DENND2B: variants seen among roughly 807,000 people sequenced by gnomAD.
DENND2B encodes the protein DENN domain containing 2B, also known as DENN domain-containing protein 2B.
DENND2B carries 32 observed loss-of-function variants against 116.0 expected under a neutral mutation model. The observed-to-expected ratio is 0.28, with a 90% CI of 0.21 to 0.37. The LOEUF (loss-of-function observed/expected upper bound fraction) is 0.37, where lower values mean the gene tolerates loss of function less well. DENND2B is among the 10% of genes least tolerant of loss of function. The probability of loss-of-function intolerance (pLI) is 1.00; values close to 1 mark genes in which losing one functional copy is unlikely to be tolerated. For missense variants in DENND2B, 1,276 were observed against 1,477.7 expected (o/e 0.86, Z 2.24); for synonymous variants, 588 against 583.9 (o/e 1.01, Z -0.10).
intron 2 of DENND2B, among the ~76,000 whole-genome samples, chr11:8,863,621 A>G (rs906606436): frequency 2.0e-5 from 3 of 152,072 alleles, no homozygotes; most frequent in African/African-American, 4.8e-5. Flanking sequence ...CAAATGGGGG[A>G]AAAATAGCAA....
At chr11:8,843,080 G>A (rs903529781) in intron 3 of DENND2B, among the ~76,000 whole-genome samples, 1 of 151,740 alleles carries the variant, frequency 6.6e-6, no homozygotes, top group Non-Finnish European at 1.5e-5. Context: ...GCAGTGGCGC[G>A]ATCTCGGCTC....
chr11:8,861,283 T>C (rs2063381310), intron 2 of DENND2B, among the ~76,000 whole-genome samples: 1 of 152,102 alleles, frequency 6.6e-6, no homozygotes, highest in African/African-American at 2.4e-5. Context: ...AAATTATGCA[T>C]CTGACAAACA....
chr11:8,805,448 GAT>G (rs2060756190), intron 1 of DENND2B, among the ~76,000 whole-genome samples: 1 of 152,188 alleles, frequency 6.6e-6, no homozygotes, highest in South Asian at 2.1e-4. Flanking sequence ...TAGCTGACTT[GAT>G]AGTTTTTTTC....
intron 3 of DENND2B, among the ~76,000 whole-genome samples, chr11:8,843,950 C>T (rs532390283): frequency 2.1e-4 from 32 of 152,306 alleles, no homozygotes; most frequent in Middle Eastern, 3.4e-3. Flanking sequence ...TTCCTCTGGT[C>T]AAACATCTGT....
intron 2 of DENND2B, among the ~76,000 whole-genome samples, chr11:8,741,360 T>G (rs549109104): frequency 6.6e-6 from 1 of 152,168 alleles, no homozygotes; most frequent in Non-Finnish European, 1.5e-5. Flanking sequence ...TAAGGAGCAG[T>G]GGCAAGTGAA....
At chr11:8,814,761 T>C (rs925347676), upstream of DENND2B, among the ~76,000 whole-genome samples, 5 of 152,356 alleles carry the variant, frequency 3.3e-5, no homozygotes, top group South Asian at 1.0e-3. Flanking sequence ...TCCCTGCACT[T>C]TGTGCAGGGC....
In DENND2B at chr11:8,786,489, G is replaced by T. The variant is rs563949971; in HGVS notation, c.-26+24028C>A. Among the ~76,000 whole-genome samples, 9 of 152,232 alleles carry T rather than the reference G, an allele frequency of 5.9e-5. No homozygotes were observed. In the South Asian group the frequency reaches 1.2e-3, roughly 21 times the overall value. ...GTGGTATGTTGACTGCCAAGGAGAA[G>T]GCCATTCACAGCAATCACGTTAATG... On this transcript the variant is annotated intron_variant, in intron 1 of 19. Transcript: ENST00000313726.
intron 1 of DENND2B, chr11:8,895,644 TGAAAA>T (rs1177475905): frequency 6.6e-6 from 1 of 152,164 alleles, no homozygotes; most frequent in Non-Finnish European, 1.5e-5. Flanking sequence ...TTTTACAAGA[TGAAAA>T]GAAGTATAGA....
intron 2 of DENND2B, among the ~76,000 whole-genome samples, chr11:8,736,538 A>G (rs930693460): frequency 4.6e-5 from 7 of 152,174 alleles, no homozygotes; most frequent in Non-Finnish European, 1.0e-4. Context: ...GGGGAAAGGG[A>G]TCAGAGATGA....
At chr11:8,711,069 T>G in intron 10 of DENND2B, 53 bp downstream of exon 10, 1 of 1,590,470 alleles carries the variant, frequency 6.3e-7, no homozygotes, top group Non-Finnish European at 8.6e-7. Flanking sequence ...GCCCACGCTA[T>G]GGGGGTAAAG....
At chr11:8,781,276 G>A (rs575737548) in intron 1 of DENND2B, among the ~76,000 whole-genome samples, 5 of 152,280 alleles carry the variant, frequency 3.3e-5, no homozygotes, top group African/African-American at 1.2e-4. Flanking sequence ...GTGAGCAGAG[G>A]AGGGACTAAC....
At chr11:8,795,657 G>A (rs761048906) in intron 1 of DENND2B, among the ~76,000 whole-genome samples, 2 of 152,102 alleles carry the variant, frequency 1.3e-5, no homozygotes, top group Non-Finnish European at 2.9e-5. Flanking sequence ...AATAAAATAG[G>A]CAAGTTTCCT....
chr11:8,743,665 A>T (rs1001763974), intron 2 of DENND2B, among the ~76,000 whole-genome samples: 100 of 152,294 alleles, frequency 6.6e-4, no homozygotes, highest in Non-Finnish European at 2.6e-4. Flanking sequence ...CTCTGAAGAC[A>T]GTAAGGCTCC....
intron 1 of DENND2B, among the ~76,000 whole-genome samples, chr11:8,774,863 GTTTT>G (rs764878186): frequency 2.4e-4 from 33 of 137,846 alleles, no homozygotes. Context: ...TATTTTTTTC[GTTTT>G]TTTTTTTTAA....
At chr11:8,866,926 T>C (rs1221797989) in intron 2 of DENND2B, among the ~76,000 whole-genome samples, 1 of 152,160 alleles carries the variant, frequency 6.6e-6, no homozygotes. Context: ...GAGAGGCTCT[T>C]AAAGGTAAAA....
chr11:8,898,021 G>A (rs187894004), intron 1 of DENND2B, among the ~76,000 whole-genome samples: 2 of 152,276 alleles, frequency 1.3e-5, no homozygotes, highest in African/African-American at 4.8e-5. Context: ...CAGTCTTCCT[G>A]TCATGGCCTC....
intron 2 of DENND2B, among the ~76,000 whole-genome samples, chr11:8,742,018 G>A (rs1315254001): frequency 1.3e-5 from 2 of 152,232 alleles, no homozygotes; most frequent in African/African-American, 4.8e-5. Context: ...AGCCTCGTGA[G>A]TAGCTGGGAG....
chr11:8,883,810 G>T (rs2063929127), intron 1 of DENND2B, among the ~76,000 whole-genome samples: 1 of 152,202 alleles, frequency 6.6e-6, no homozygotes, highest in Non-Finnish European at 1.5e-5. Flanking sequence ...GAGTAAGGAA[G>T]TTATCAATTA....
intron 2 of DENND2B, among the ~76,000 whole-genome samples, chr11:8,867,138 C>T (rs2063609626): frequency 6.6e-6 from 1 of 152,130 alleles, no homozygotes; most frequent in Admixed American, 6.5e-5. Flanking sequence ...AGAGCACTAG[C>T]AAGTTCAGAG....
Sources: gnomAD v4.1 joint callset for allele counts (sites outside exome capture counted in the v4.1 genomes callset) on GRCh38, gnomAD v4.1.1 for gene constraint, MANE v1.5 for transcripts, NCBI Gene and HGNC (gene_info 2026-07-23, HGNC 2026-07-21) for gene names.